CELF4: variants seen among roughly 807,000 people sequenced by gnomAD.
The protein encoded by CELF4 is CUGBP Elav-like family member 4.
CELF4 carries 18 observed loss-of-function variants against 59.9 expected under a neutral mutation model. The ratio of observed to expected loss-of-function variants is 0.30; its 90% CI spans 0.21 to 0.45. The LOEUF (loss-of-function observed/expected upper bound fraction) is 0.45. Among genes scored for constraint, CELF4 ranks in the 20% least tolerant of loss-of-function variants. CELF4 has a pLI of 1.00. For missense variants in CELF4, 456 were observed against 689.0 expected (o/e 0.66, Z 3.79); for synonymous variants, 261 against 267.1 (o/e 0.98, Z 0.22).
intron 3 of CELF4, among the ~76,000 whole-genome samples, chr18:37,303,539 G>A (rs1038459639): frequency 1.3e-5 from 2 of 152,182 alleles, no homozygotes; most frequent in African/African-American, 4.8e-5. Context: ...TGAGAATCGG[G>A]GAGAGCTTGG....
Position 37,245,715 on chromosome 18 carries a change from T to C in CELF4, c.*45-518A>G, listed in dbSNP as rs1399215523. 6.6e-6 allele frequency among the ~76,000 whole-genome samples: 1 copy of C among 152,196 alleles called. No homozygotes were observed. Among genetic ancestry groups the C allele is most frequent in the African/African-American group, 2.4e-5 (1 of 41,444 alleles). ...TGCCCAGCTTCCAGCCAACCACTTC[T>C]TTCCCGGGGTCAGTAACTATTTGCG... On this transcript the variant is annotated intron_variant, in intron 12 of 12. Transcript: ENST00000420428. The surrounding 1 kb of genome is among the most constrained non-coding windows in gnomAD (Gnocchi z 4.1).
chr18:37,405,458 C>T (rs1188808696), intron 2 of CELF4, among the ~76,000 whole-genome samples: 1 of 152,278 alleles, frequency 6.6e-6, no homozygotes, highest in Non-Finnish European at 1.5e-5. Flanking sequence ...CTTCCTGCCT[C>T]TACCCTTCCT....
intron 10 of CELF4, among the ~76,000 whole-genome samples, chr18:37,259,724 C>T (rs925754642): frequency 6.6e-6 from 1 of 152,166 alleles, no homozygotes; most frequent in African/African-American, 2.4e-5. Flanking sequence ...CCCACTTTCC[C>T]TTCTCGCAGG....
chr18:37,462,177 G>T (rs1417563645), intron 2 of CELF4, among the ~76,000 whole-genome samples: 1 of 152,052 alleles, frequency 6.6e-6, no homozygotes, highest in Non-Finnish European at 1.5e-5. Context: ...TCTGGGGGTT[G>T]CCCCTGTATC....
At chr18:37,277,767 C>T (rs1195519868) in intron 3 of CELF4, among the ~76,000 whole-genome samples, 1 of 152,112 alleles carries the variant, frequency 6.6e-6, no homozygotes, top group African/African-American at 2.4e-5. Flanking sequence ...GTTCTCCCTA[C>T]CTCCCCCTCA....
intron 1 of CELF4, among the ~76,000 whole-genome samples, chr18:37,539,173 G>C (rs1423569352): frequency 6.6e-6 from 1 of 152,204 alleles, no homozygotes; most frequent in African/African-American, 2.4e-5. Flanking sequence ...TTTATTAATA[G>C]CTCACAGTGT....
intron 1 of CELF4, among the ~76,000 whole-genome samples, chr18:37,497,734 A>G (rs2099926851): frequency 6.6e-6 from 1 of 152,144 alleles, no homozygotes; most frequent in South Asian, 2.1e-4. Context: ...CAACATACCT[A>G]TCAAGCCAAA....
At chr18:37,417,193 G>C (rs2099536058) in intron 2 of CELF4, among the ~76,000 whole-genome samples, 2 of 152,186 alleles carry the variant, frequency 1.3e-5, no homozygotes, top group Non-Finnish European at 2.9e-5. Context: ...AGAACTTGCT[G>C]ACTGGGCTCC....
At chr18:37,472,797 G>A (rs1464500881) in intron 2 of CELF4, among the ~76,000 whole-genome samples, 1 of 152,186 alleles carries the variant, frequency 6.6e-6, no homozygotes, top group Non-Finnish European at 1.5e-5. Context: ...GCCTGAAGGA[G>A]AAATGAGGAT....
intron 1 of CELF4, among the ~76,000 whole-genome samples, chr18:37,517,961 T>C (rs547064648): frequency 6.6e-6 from 1 of 151,830 alleles, no homozygotes; most frequent in Non-Finnish European, 1.5e-5. Flanking sequence ...TAACTGGGGG[T>C]AAGTCTGTAA....
At chr18:37,248,735 C>A (rs550265264) in intron 12 of CELF4, among the ~76,000 whole-genome samples, 10 of 152,172 alleles carry the variant, frequency 6.6e-5, no homozygotes, top group Non-Finnish European at 1.5e-5. Flanking sequence ...ACTTCTCCAC[C>A]CCTCACCACT....
chr18:37,449,991 A>C (rs1036903784), intron 2 of CELF4, among the ~76,000 whole-genome samples: 1 of 152,216 alleles, frequency 6.6e-6, no homozygotes, highest in Non-Finnish European at 1.5e-5. Flanking sequence ...AACAAGGAGA[A>C]AACCCAACTT....
chr18:37,331,471 G>A (rs1040911334), intron 2 of CELF4, among the ~76,000 whole-genome samples: 5 of 152,128 alleles, frequency 3.3e-5, no homozygotes, highest in African/African-American at 1.2e-4. Flanking sequence ...CACAGGCTCC[G>A]AGTATGATAA....
intron 1 of CELF4, among the ~76,000 whole-genome samples, chr18:37,507,799 GCCTGAGGGC>G (rs2099939791): frequency 1.3e-5 from 2 of 152,164 alleles, no homozygotes; most frequent in African/African-American, 4.8e-5. Flanking sequence ...TGAACACAAT[GCCTGAGGGC>G]CCAGGGCCCC....
At chr18:37,540,938 G>T (rs893797322) in intron 1 of CELF4, among the ~76,000 whole-genome samples, 2 of 151,940 alleles carry the variant, frequency 1.3e-5, no homozygotes, top group African/African-American at 4.8e-5. Context: ...CCTGGAGGTG[G>T]AGTGGGGGCA....
rs531637604 is a variant in CELF4, at chr18:37,433,709, C to T, written c.369+51816G>A. 1.8e-4 allele frequency among the ~76,000 whole-genome samples: 27 copies of T among 152,222 alleles called. No homozygotes were observed. The East Asian group carries it at 4.1e-3, about 23-fold the overall frequency. The stretch of plus-strand genomic sequence containing the variant: ...CTGTGGGGAGGAGTATGTAAGCAGA[C>T]GGGGAGAAGGTTCTGAGAGTGAGTC... On this transcript the variant is annotated intron_variant, in intron 2 of 12. Transcript: ENST00000420428.
intron 2 of CELF4, among the ~76,000 whole-genome samples, chr18:37,322,925 G>A (rs1187870205): frequency 1.3e-5 from 2 of 152,210 alleles, no homozygotes; most frequent in East Asian, 1.9e-4. Flanking sequence ...TGCTTCCCAA[G>A]GCCACCACGT....
chr18:37,270,274 A>G (rs1412842023), intron 8 of CELF4, among the ~76,000 whole-genome samples: 1 of 152,212 alleles, frequency 6.6e-6, no homozygotes, highest in Non-Finnish European at 1.5e-5. Flanking sequence ...CTTTGCGTGC[A>G]CCATGATCGC....
At chr18:37,512,700 A>T (rs2099945968) in intron 1 of CELF4, among the ~76,000 whole-genome samples, 40 of 114,194 alleles carry the variant, frequency 3.5e-4, no homozygotes, top group East Asian at 8.0e-4. Context: ...TTTATCTTTG[A>T]CTCCTTTCTG....
Sources: allele counts gnomAD v4.1 joint callset (sites outside exome capture counted in the v4.1 genomes callset), GRCh38; gene constraint gnomAD v4.1.1; non-coding constraint Gnocchi (gnomAD v3.1); transcripts MANE v1.5; gene names NCBI Gene and HGNC (gene_info 2026-07-23, HGNC 2026-07-21).